The following GPATCH2L variants were observed in gnomAD, a reference collection of about 807,000 sequenced individuals.
GPATCH2L encodes the protein G patch domain-containing protein 2-like.
In GPATCH2L, 31 loss-of-function variants were observed where a neutral mutation model predicts 57.4. The observed-to-expected ratio is 0.54, with a 90% CI of 0.41 to 0.73. The LOEUF (loss-of-function observed/expected upper bound fraction) is 0.73, where lower values mean the gene tolerates loss of function less well. Ranked by LOEUF, GPATCH2L falls within the 30% of genes least tolerant of loss-of-function variation. GPATCH2L has a pLI of 0.00. For missense variants in GPATCH2L, 481 were observed against 599.9 expected (o/e 0.80, Z 2.07); for synonymous variants, 199 against 210.7 (o/e 0.94, Z 0.48).
rs1440377179 is a variant in GPATCH2L at position 76,206,681 on chromosome 14, C to T, written c.*4830C>T. On this transcript the variant is annotated 3_prime_UTR_variant, in exon 10 of 10. Coordinates refer to ENST00000261530, the MANE Select transcript of GPATCH2L (RefSeq NM_017926.4). ...GGCCAACAGCATCAGCACATCTTGC[C>T]CTCACCAGACCTACTGAATCCGAAA... 3 of 152,336 alleles carry T rather than the reference C, an allele frequency of 2.0e-5. No homozygotes were observed. Among genetic ancestry groups the T allele is most frequent in the Non-Finnish European group, 2.9e-5 (2 of 68,166 alleles). 9.4% of individuals were successfully genotyped at this position (152,336 alleles called of 1,614,324 possible).
In GPATCH2L at chr14:76,195,980, C is replaced by T. The variant is rs766562603; in HGVS notation, c.1288+8C>T. On this transcript the variant is annotated splice_region_variant and intron_variant, in intron 9 of 9. Transcript: ENST00000261530. The stretch of plus-strand genomic sequence containing the variant: ...TGTCTAGCCCCAGTGCAGGTGATTA[C>T]ATGCAGTTATCATTTATTGAGCATG... The T allele has an allele frequency of 1.6e-5, 25 of 1,593,192 alleles. No homozygotes were observed. Among genetic ancestry groups the T allele is most frequent in the Non-Finnish European group, 2.2e-5 (25 of 1,161,114 alleles).
At chr14:76,195,741 C>T in intron 8 of GPATCH2L, 137 bp from the exon 9 acceptor site, 1 of 680,232 alleles carries the variant, frequency 1.5e-6, no homozygotes, top group South Asian at 1.7e-5. Flanking sequence ...TAATGTTGTC[C>T]CAATGCTTAA....
intron 5 of GPATCH2L, 188 bp downstream of exon 5, chr14:76,173,813 A>C: frequency 1.9e-6 from 1 of 519,360 alleles, no homozygotes. Context: ...AAAAGATGAA[A>C]CGTAATTCAT....
chr14:76,180,672 C>A, intron 7 of GPATCH2L, 92 bp from the exon 8 acceptor site: 1 of 821,940 alleles, frequency 1.2e-6, no homozygotes, highest in South Asian at 1.4e-5. Flanking sequence ...GTTGGATAGT[C>A]AAAGGGGAAA....
At chr14:76,181,756 T>G (rs1004287435) in intron 8 of GPATCH2L, among the ~76,000 whole-genome samples, 1 of 152,216 alleles carries the variant, frequency 6.6e-6, no homozygotes, top group Admixed American at 6.5e-5. Flanking sequence ...AGGGCTGTTA[T>G]GCAGAAAAGA....
downstream of GPATCH2L, among the ~76,000 whole-genome samples, chr14:76,214,586 C>T (rs1361298174): frequency 6.6e-6 from 1 of 152,180 alleles, no homozygotes; most frequent in African/African-American, 2.4e-5. Context: ...TGTGTCCTCA[C>T]ATGGTGAAGG....
chr14:76,152,542 G>T (rs1594893338), intron 1 of GPATCH2L: 1 of 407,330 alleles, frequency 2.5e-6, no homozygotes, highest in Non-Finnish European at 4.9e-6. Flanking sequence ...CCAGCTACCC[G>T]TTCCTTCCTG....
At position 76,162,345 on chromosome 14, in the gene GPATCH2L, G is replaced by A. The variant is rs192963379; in HGVS notation, c.663-4318G>A. On this transcript the variant is annotated intron_variant, in intron 2 of 9. Coordinates refer to ENST00000261530, the MANE Select transcript of GPATCH2L (RefSeq NM_017926.4). ...TGTAGGACATGGTAGTTGGCTTTCC[G>A]TTGAGTAAGTGATCTGAGAGGGGTG... is the stretch of plus-strand genomic sequence containing the variant. 8.3e-3 allele frequency among the ~76,000 whole-genome samples: 1,268 copies of A among 152,224 alleles called. 9 individuals are homozygous for A. Among genetic ancestry groups the A allele is most frequent in the Non-Finnish European group, 0.013 (865 of 68,004 alleles).
chr14:76,233,749 C>A (rs1481973655), intron 2 of GPATCH2L, among the ~76,000 whole-genome samples: 1 of 151,936 alleles, frequency 6.6e-6, no homozygotes, highest in Non-Finnish European at 1.5e-5. Context: ...CATCATATAC[C>A]CAGTTAGTAT....
intron 8 of GPATCH2L, among the ~76,000 whole-genome samples, chr14:76,182,282 G>C (rs1033299796): frequency 6.6e-6 from 1 of 151,190 alleles, no homozygotes; most frequent in African/African-American, 2.4e-5. Context: ...GCGTGAACCC[G>C]GGAGGCGGAG....
intron 8 of GPATCH2L, among the ~76,000 whole-genome samples, chr14:76,190,876 A>T (rs1370029397): frequency 2.0e-5 from 3 of 152,168 alleles, no homozygotes; most frequent in African/African-American, 7.2e-5. Flanking sequence ...TCCTTATATA[A>T]TTCGGATAAC....
At chr14:76,168,199 C>T (rs1246367048) in intron 3 of GPATCH2L, among the ~76,000 whole-genome samples, 1 of 152,230 alleles carries the variant, frequency 6.6e-6, no homozygotes, top group Non-Finnish European at 1.5e-5. Flanking sequence ...CCTCATCTTC[C>T]TTGAATGACT....
chr14:76,224,103 G>A (rs1488239123), intron 1 of GPATCH2L, among the ~76,000 whole-genome samples: 2 of 152,156 alleles, frequency 1.3e-5, no homozygotes, highest in African/African-American at 2.4e-5. Flanking sequence ...GATTAACTTT[G>A]AGAATATTAT....
At chr14:76,231,962 A>AGC (rs1229260053) in intron 2 of GPATCH2L, among the ~76,000 whole-genome samples, 3 of 610 alleles carry the variant, frequency 4.9e-3, no homozygotes, top group Non-Finnish European at 0.011. Context: ...GGGCAAACAC[A>AGC]TCTCACTGCA....
intron 2 of GPATCH2L, among the ~76,000 whole-genome samples, chr14:76,232,313 T>C (rs995549082): frequency 1.3e-5 from 2 of 152,224 alleles, no homozygotes; most frequent in African/African-American, 4.8e-5. Context: ...GGCTTTTTTT[T>C]TCTTGAGACA....
rs115012413 is a variant in GPATCH2L, at chr14:76,234,108, T to C, written c.*117+4155T>C. On this transcript the variant is annotated intron_variant and NMD_transcript_variant, in intron 2 of 3. Transcript: ENST00000556372. Reference sequence around the variant, plus strand: ...CTGGGCAACAGAGCAAGAACCTGTCTCTAAAAAATAAAAAATAAATTAGGA... The same window carrying C: ...CTGGGCAACAGAGCAAGAACCTGTCCCTAAAAAATAAAAAATAAATTAGGA... 2.3e-3 allele frequency among the ~76,000 whole-genome samples: 355 copies of C among 152,288 alleles called. 3 individuals are homozygous for C. Among genetic ancestry groups the C allele is most frequent in the African/African-American group, 8.1e-3 (335 of 41,558 alleles).
intron 2 of GPATCH2L, among the ~76,000 whole-genome samples, chr14:76,165,947 G>A (rs1956359536): frequency 6.6e-6 from 1 of 152,206 alleles, no homozygotes; most frequent in South Asian, 2.1e-4. Flanking sequence ...AGAGGATTGA[G>A]AAGTTTTTCT....
At chr14:76,176,983 T>TC (rs967994010) in intron 6 of GPATCH2L, among the ~76,000 whole-genome samples, 4 of 152,066 alleles carry the variant, frequency 2.6e-5, no homozygotes, top group Non-Finnish European at 5.9e-5. Flanking sequence ...TTTTTTTTTT[T>TC]CCAAAATGGA....
intron 2 of GPATCH2L, among the ~76,000 whole-genome samples, chr14:76,158,004 CTTTA>C (rs2038391009): frequency 6.6e-6 from 1 of 152,108 alleles, no homozygotes; most frequent in South Asian, 2.1e-4. Context: ...TTCTACTGAT[CTTTA>C]TTTAAATTGT....
Sources: gnomAD v4.1 joint callset for allele counts (sites outside exome capture counted in the v4.1 genomes callset) on GRCh38, gnomAD v4.1.1 for gene constraint, MANE v1.5 for transcripts, NCBI Gene and HGNC (gene_info 2026-07-23, HGNC 2026-07-21) for gene names.